SP140: variants seen among roughly 807,000 people sequenced by gnomAD.
SP140 encodes SP140 nuclear body protein.
Under a neutral mutation model 125.0 loss-of-function variants are expected in SP140, and 81 were observed. The ratio of observed to expected loss-of-function variants is 0.65; its 90% CI spans 0.54 to 0.78. SP140 has a LOEUF of 0.78. Ranked by LOEUF, SP140 falls within the 30% of genes least tolerant of loss-of-function variation. The pLI, the probability that SP140 is intolerant of heterozygous loss-of-function variation, is 0.00. For missense variants in SP140, 858 were observed against 1,037.0 expected, an observed-to-expected ratio of 0.83 and a Z score of 2.37; for synonymous variants, 312 against 354.0, an observed-to-expected ratio of 0.88 and a Z score of 1.33.
At chr2:230,260,007 G>A (rs1418485017) in intron 12 of SP140, among the ~76,000 whole-genome samples, 1 of 151,994 alleles carries the variant, frequency 6.6e-6, no homozygotes, top group African/African-American at 2.4e-5. Context: ...AGTTCTTTAA[G>A]GAATCTCTAC....
chr2:230,315,363 G>T (rs1234752421), downstream of SP140, among the ~76,000 whole-genome samples: 3 of 152,112 alleles, frequency 2.0e-5, no homozygotes, highest in African/African-American at 7.2e-5. Context: ...AAAATACACA[G>T]ATCTTTCAAG....
At chr2:230,265,278 T>G (rs2052905450) in intron 12 of SP140, among the ~76,000 whole-genome samples, 1 of 151,796 alleles carries the variant, frequency 6.6e-6, no homozygotes, top group Non-Finnish European at 1.5e-5. Context: ...CTCACCCAGC[T>G]CCCATGCAAA....
intron 21 of SP140, among the ~76,000 whole-genome samples, chr2:230,296,020 T>C (rs549470220): frequency 4.3e-4 from 66 of 152,038 alleles, no homozygotes; most frequent in African/African-American, 1.4e-3. Flanking sequence ...GGGAGAATCA[T>C]TGGAGCCCAG....
chr2:230,297,855 A>G (rs1457997710), intron 22 of SP140, among the ~76,000 whole-genome samples: 3 of 152,172 alleles, frequency 2.0e-5, no homozygotes, highest in African/African-American at 7.2e-5. Flanking sequence ...GATGAAAGGG[A>G]AAGTCCTAAA....
intron 10 of SP140, among the ~76,000 whole-genome samples, chr2:230,252,300 A>T (rs1175189592): frequency 6.6e-6 from 1 of 152,042 alleles, no homozygotes; most frequent in African/African-American, 2.4e-5. Flanking sequence ...CACAGAGCCA[A>T]AGAGAAGGAC....
At chr2:230,203,272 G>A (rs1272548115) in exon 1 of SP140, 1 of 165,066 alleles carries the variant, frequency 6.1e-6, no homozygotes, top group Non-Finnish European at 1.3e-5. Flanking sequence ...ATGCCAGAGG[G>A]TGCAGAGGTG....
At chr2:230,293,931 G>T (rs1213696485) in intron 20 of SP140, among the ~76,000 whole-genome samples, 1 of 152,204 alleles carries the variant, frequency 6.6e-6, no homozygotes, top group Admixed American at 6.5e-5. Flanking sequence ...TGTGTGTGCT[G>T]CTTGGATAGC....
chr2:230,243,792 C>A lies in SP140; in HGVS notation c.552C>A (p.Ser184=), dbSNP rs1377718729. The part of the protein sequence containing the change: ...DIAVPQEALS[S]SPRCEPGFSS... Reference sequence around the variant, plus strand: ...CAGTGCCTCAGGAAGCCTTGAGCTCCTCGCCAAGGTGTGAGCCAGGTAAGG... The same window carrying A: ...CAGTGCCTCAGGAAGCCTTGAGCTCATCGCCAAGGTGTGAGCCAGGTAAGG... Residue 184 remains serine, a synonymous_variant, in exon 5 of 27, where the codon TCC becomes TCA. Coordinates refer to ENST00000392045, the MANE Select transcript of SP140 (RefSeq NM_007237.5). 6.2e-7 allele frequency: 1 copy of A among 1,612,372 alleles called. No homozygotes were observed. The highest frequency in any genetic ancestry group is 8.5e-7 in the Non-Finnish European group (1 of 1,178,888).
intron 9 of SP140, among the ~76,000 whole-genome samples, 190 bp from the exon 10 acceptor site, chr2:230,250,791 G>A: frequency 6.6e-6 from 1 of 152,144 alleles, no homozygotes; most frequent in East Asian, 1.9e-4. Flanking sequence ...CTGATGGATG[G>A]TTCTCAGCCT....
the SP140 span, among the ~76,000 whole-genome samples, chr2:230,196,845 A>T: frequency 1.3e-5 from 2 of 152,146 alleles, no homozygotes; most frequent in African/African-American, 4.8e-5. Flanking sequence ...TTCCAGTTTC[A>T]TCCATGTCCC....
intron 3 of SP140, among the ~76,000 whole-genome samples, chr2:230,218,448 G>C (rs1368344546): frequency 1.3e-5 from 2 of 152,208 alleles, no homozygotes; most frequent in Non-Finnish European, 2.9e-5. Flanking sequence ...GAACAGATAG[G>C]AGAGAAATCT....
At chr2:230,225,938 T>A (rs2046269662) in intron 1 of SP140, 35 bp downstream of exon 1, 1 of 1,573,638 alleles carries the variant, frequency 6.4e-7, no homozygotes, top group Non-Finnish European at 8.7e-7. Context: ...CTGTCCTTCA[T>A]CTCTGGTAGG....
intron 3 of SP140, chr2:230,239,131 C>A: frequency 9.8e-7 from 1 of 1,015,866 alleles, no homozygotes; most frequent in Non-Finnish European, 1.3e-6. Context: ...AATACTATAC[C>A]TTGATTCAAA....
intron 1 of SP140, among the ~76,000 whole-genome samples, chr2:230,236,464 C>A (rs2048027615): frequency 6.6e-6 from 1 of 152,206 alleles, no homozygotes; most frequent in Admixed American, 6.5e-5. Context: ...AAGGAATTGG[C>A]TCTTGCAATT....
chr2:230,229,456 CTTTTTTTTT>C (rs1163771237), intron 1 of SP140, among the ~76,000 whole-genome samples: 4 of 57,612 alleles, frequency 6.9e-5, no homozygotes, highest in Admixed American at 2.0e-4. Context: ...TGAAGAAATT[CTTTTTTTTT>C]TTTTTTTTTT....
At chr2:230,294,499 A>G (rs994550853) in intron 21 of SP140, among the ~76,000 whole-genome samples, 181 bp downstream of exon 21, 4 of 152,240 alleles carry the variant, frequency 2.6e-5, no homozygotes, top group Admixed American at 1.3e-4. Flanking sequence ...CACTAAATGT[A>G]TATAAAGCTA....
intron 7 of SP140, among the ~76,000 whole-genome samples, chr2:230,246,380 G>A (rs2049457009): frequency 6.6e-6 from 1 of 152,154 alleles, no homozygotes; most frequent in African/African-American, 2.4e-5. Flanking sequence ...TTACCACGTT[G>A]GGTAACATTT....
At position 230,269,616 on chromosome 2, in the gene SP140, C is replaced by G. The variant is rs1443366518; in HGVS notation, c.1325C>G (p.Pro442Arg). The G allele has an allele frequency of 1.3e-6, 2 of 1,519,086 alleles. No homozygotes were observed. The highest frequency in any genetic ancestry group is 1.8e-6 in the Non-Finnish European group (2 of 1,117,996). The allele number at this position is 1,519,086 out of a possible 1,614,324, so 94.1% of individuals were successfully genotyped here. Reference protein sequence around the residue: ...LASSLLYDNVPGAEQSAYENE... With the variant: ...LASSLLYDNVRGAEQSAYENE... ...TCTAGCCTGCTATATGATAATGTAC[C>G]AGGTAATTATGACTTAAAAATAGTG... Residue 442 changes from proline to arginine, a missense_variant and splice_region_variant, in exon 13 of 27, where the codon CCA (proline) becomes CGA (arginine). Coordinates refer to ENST00000392045, the MANE Select transcript of SP140 (RefSeq NM_007237.5).
At chr2:230,231,804 T>C (rs1217505303) in intron 1 of SP140, among the ~76,000 whole-genome samples, 1 of 152,188 alleles carries the variant, frequency 6.6e-6, no homozygotes, top group African/African-American at 2.4e-5. Context: ...CCTCCTAGGT[T>C]CAAGTGATTC....
Sources: allele counts gnomAD v4.1 joint callset (sites outside exome capture counted in the v4.1 genomes callset), GRCh38; gene constraint gnomAD v4.1.1; transcripts MANE v1.5; gene names NCBI Gene and HGNC (gene_info 2026-07-23, HGNC 2026-07-21).